TENM2: variants seen among roughly 807,000 people sequenced by gnomAD.
TENM2 encodes teneurin transmembrane protein 2.
Under a neutral mutation model 245.2 loss-of-function variants are expected in TENM2, and 52 were observed. The ratio of observed to expected loss-of-function variants is 0.21; its 90% CI spans 0.17 to 0.27. The LOEUF (loss-of-function observed/expected upper bound fraction) is 0.27. Ranked by LOEUF, TENM2 falls within the 10% of genes least tolerant of loss-of-function variation. TENM2 has a pLI of 1.00. For synonymous variants in TENM2, 1,363 were observed against 1,438.9 expected (o/e 0.95, Z 1.19); for missense variants, 3,046 against 3,666.8 (o/e 0.83, Z 4.37).
At chr5:167,807,124 TAAAAAAAAAAAA>T (rs1178739925) in intron 2 of TENM2, among the ~76,000 whole-genome samples, 3,855 of 49,190 alleles carry the variant, frequency 0.078, 119 homozygotes, top group Non-Finnish European at 0.1. Flanking sequence ...GCCCCTAGGT[TAAAAAAAAAAAA>T]AAAAAAAAAA....
At position 167,870,422 on chromosome 5, in the gene TENM2, G is replaced by T. The variant is rs79292896; in HGVS notation, c.503-5564G>T. Among the ~76,000 whole-genome samples, 125 of 152,078 alleles carry T rather than the reference G, an allele frequency of 8.2e-4. 2 individuals carry two copies. Among genetic ancestry groups the T allele is most frequent in the African/African-American group, 2.7e-3 (111 of 41,502 alleles). ...TCAGATGACTTGGGTTCAAATCCCA[G>T]CTGTGCTCCCTGCTAACAGCATGAT... On this transcript the variant is annotated intron_variant, in intron 2 of 28. Transcript: ENST00000518659.
At chr5:167,969,022 C>T (rs574493963) in intron 4 of TENM2, among the ~76,000 whole-genome samples, 171 of 152,330 alleles carry the variant, frequency 1.1e-3, no homozygotes, top group Admixed American at 2.1e-3. Flanking sequence ...TTGGAAACCA[C>T]GGACCACTCC....
At chr5:167,576,651 T>C (rs924775925) in intron 2 of TENM2, among the ~76,000 whole-genome samples, 1 of 152,170 alleles carries the variant, frequency 6.6e-6, no homozygotes, top group South Asian at 2.1e-4. Flanking sequence ...CATGCAAATA[T>C]GATGTCAGAG....
chr5:168,058,966 A>G (rs1789798775), intron 6 of TENM2, among the ~76,000 whole-genome samples: 1 of 152,194 alleles, frequency 6.6e-6, no homozygotes, highest in Non-Finnish European at 1.5e-5. Context: ...AAATTGCTAG[A>G]GGTCACACAG....
At chr5:167,258,577 A>G in the TENM2 span, among the ~76,000 whole-genome samples, 1 of 152,162 alleles carries the variant, frequency 6.6e-6, no homozygotes, top group Non-Finnish European at 1.5e-5. Context: ...TTTGTTTTGA[A>G]CATCCTTATT....
At chr5:167,845,239 C>CCACACACA (rs55784312) in intron 2 of TENM2, among the ~76,000 whole-genome samples, 8 of 96,986 alleles carry the variant, frequency 8.2e-5, no homozygotes, top group East Asian at 3.3e-4. Context: ...CCCTCCCGCG[C>CCACACACA]CACACACACA....
At chr5:167,244,794 A>C in the TENM2 span, among the ~76,000 whole-genome samples, 972 of 152,148 alleles carry the variant, frequency 6.4e-3, 3 homozygotes, top group African/African-American at 0.021. Flanking sequence ...GGAGTGTGGC[A>C]CCTCATCACT....
intron 2 of TENM2, among the ~76,000 whole-genome samples, chr5:167,562,031 T>C (rs1282548022): frequency 6.6e-6 from 1 of 152,094 alleles, no homozygotes; most frequent in Non-Finnish European, 1.5e-5. Flanking sequence ...GTTAAAGAGA[T>C]GGTGAGCGTG....
chr5:167,879,109 G>A (rs2151398417), intron 3 of TENM2, among the ~76,000 whole-genome samples: 1 of 152,214 alleles, frequency 6.6e-6, no homozygotes, highest in South Asian at 2.1e-4. Flanking sequence ...AAACAAATGG[G>A]ACATAAACTA....
Position 168,204,631 on chromosome 5 carries a change from C to A in TENM2, c.3824+10C>A. On this transcript the variant is annotated intron_variant, in intron 19 of 28. Transcript: ENST00000518659. ...GCATCTTGGAGTTACGGTAAATGGC[C>A]TCACAGGCAACCTTCTTTTGCTCTC... 6.2e-7 allele frequency: 1 copy of A among 1,611,966 alleles called. No homozygotes were observed. Among genetic ancestry groups the A allele is most frequent in the Non-Finnish European group, 8.5e-7 (1 of 1,178,208 alleles).
At chr5:168,117,765 CTTA>C (rs903717041) in intron 9 of TENM2, among the ~76,000 whole-genome samples, 5 of 152,200 alleles carry the variant, frequency 3.3e-5, no homozygotes, top group African/African-American at 9.7e-5. Flanking sequence ...TAGGCATAAA[CTTA>C]TTAGGAATAA....
chr5:167,864,791 T>C (rs1393712730), intron 2 of TENM2, among the ~76,000 whole-genome samples: 1 of 152,122 alleles, frequency 6.6e-6, no homozygotes, highest in African/African-American at 2.4e-5. Context: ...TCCCAAAGGG[T>C]TTGTGTCAGA....
At chr5:167,095,651 G>A in the TENM2 span, among the ~76,000 whole-genome samples, 3 of 151,746 alleles carry the variant, frequency 2.0e-5, no homozygotes, top group East Asian at 1.9e-4. Flanking sequence ...TAAATAAAAC[G>A]CCTACAATAA....
chr5:167,965,130 A>G (rs983389772), intron 4 of TENM2: 2 of 152,198 alleles, frequency 1.3e-5, no homozygotes, highest in Non-Finnish European at 2.9e-5. Context: ...ATCAGTAGAA[A>G]TTAATGATTG....
chr5:166,983,418 C>G, the TENM2 span, among the ~76,000 whole-genome samples: 5 of 151,996 alleles, frequency 3.3e-5, no homozygotes, highest in Non-Finnish European at 2.9e-5. Context: ...GAATTACGAG[C>G]CTTTCAGGTG....
chr5:167,401,234 G>T (rs1486274338), intron 2 of TENM2, among the ~76,000 whole-genome samples: 1 of 152,070 alleles, frequency 6.6e-6, no homozygotes, highest in Non-Finnish European at 1.5e-5. Context: ...CAATCGAACG[G>T]TGTCTGTCCC....
intron 2 of TENM2, among the ~76,000 whole-genome samples, chr5:167,798,216 C>G (rs1765458129): frequency 6.6e-6 from 1 of 152,212 alleles, no homozygotes; most frequent in Non-Finnish European, 1.5e-5. Context: ...CCCTACCACA[C>G]AGATGTCAGC....
intron 27 of TENM2, among the ~76,000 whole-genome samples, chr5:168,251,809 G>A (rs760661838): frequency 5.3e-5 from 8 of 152,208 alleles, no homozygotes; most frequent in Admixed American, 2.0e-4. Flanking sequence ...CTCTCTGAAT[G>A]CAAGTGGCAG....
chr5:167,766,336 A>G (rs796895191), intron 2 of TENM2, among the ~76,000 whole-genome samples: 5 of 152,342 alleles, frequency 3.3e-5, no homozygotes, highest in African/African-American at 1.2e-4. Context: ...AAGGGGACAC[A>G]GTGGGATGAT....
Sources: gnomAD v4.1 joint callset for allele counts (sites outside exome capture counted in the v4.1 genomes callset) on GRCh38, gnomAD v4.1.1 for gene constraint, MANE v1.5 for transcripts, NCBI Gene and HGNC (gene_info 2026-07-23, HGNC 2026-07-21) for gene names.